Variants in TMEM108 observed in about 807,000 individuals in gnomAD.
The protein encoded by TMEM108 is cancer/testis antigen 124.
A neutral mutation model predicts 35.1 loss-of-function variants in TMEM108; 12 were observed. The ratio of observed to expected loss-of-function variants is 0.34; its 90% CI spans 0.22 to 0.55. The LOEUF (loss-of-function observed/expected upper bound fraction) is 0.55, where lower values mean the gene tolerates loss of function less well. Ranked by LOEUF, TMEM108 falls within the 20% of genes least tolerant of loss-of-function variation. The probability of loss-of-function intolerance (pLI) is 0.89; values close to 1 mark genes in which losing one functional copy is unlikely to be tolerated. For synonymous variants in TMEM108, 287 were observed against 308.6 expected (o/e 0.93, Z 0.73); for missense variants, 680 against 753.3 (o/e 0.90, Z 1.14).
chr3:133,048,931 A>G (rs1943371005), intron 2 of TMEM108, among the ~76,000 whole-genome samples: 1 of 152,232 alleles, frequency 6.6e-6, no homozygotes, highest in Non-Finnish European at 1.5e-5. Flanking sequence ...CCTCTGAACC[A>G]GCAGCATGAG....
At chr3:133,193,424 ACT>A (rs1480952255) in intron 2 of TMEM108, among the ~76,000 whole-genome samples, 1 of 152,072 alleles carries the variant, frequency 6.6e-6, no homozygotes, top group East Asian at 1.9e-4. Flanking sequence ...TTTTTAAGAA[ACT>A]CTACATTTTT....
intron 2 of TMEM108, among the ~76,000 whole-genome samples, chr3:133,160,356 A>G (rs1417479335): frequency 1.3e-5 from 2 of 152,212 alleles, no homozygotes; most frequent in Non-Finnish European, 2.9e-5. Flanking sequence ...CCCAGACCTC[A>G]ACATAGGCAC....
chr3:133,187,883 CAAAAAA>C (rs34894272), intron 2 of TMEM108, among the ~76,000 whole-genome samples: 13 of 127,354 alleles, frequency 1.0e-4, no homozygotes, highest in African/African-American at 1.4e-4. Flanking sequence ...ACGGTTGCTG[CAAAAAA>C]AAAAAAAAAA....
Position 133,364,949 on chromosome 3 carries a change from C to G in TMEM108, c.41-14803C>G, listed in dbSNP as rs762933495. 1.8e-4 allele frequency among the ~76,000 whole-genome samples: 28 copies of G among 152,204 alleles called. 1 individual carries two copies. Among genetic ancestry groups the G allele is most frequent in the Non-Finnish European group, 4.0e-4 (27 of 68,042 alleles). ...TCCTTACCCAACCCTACGGAGAACT[C>G]CAGAGCTGGGATGGCTCTTCATAGT... is the stretch of plus-strand genomic sequence containing the variant. On this transcript the variant is annotated intron_variant, in intron 3 of 5. Coordinates refer to ENST00000321871, the MANE Select transcript of TMEM108 (RefSeq NM_023943.4).
intron 2 of TMEM108, among the ~76,000 whole-genome samples, chr3:133,225,818 T>C (rs1011550765): frequency 6.6e-6 from 1 of 152,160 alleles, no homozygotes; most frequent in Admixed American, 6.5e-5. Flanking sequence ...CAGAAAAATA[T>C]AAAACTTAAT....
intron 2 of TMEM108, among the ~76,000 whole-genome samples, chr3:133,168,442 A>G (rs1383882879): frequency 6.6e-6 from 1 of 152,050 alleles, no homozygotes; most frequent in African/African-American, 2.4e-5. Flanking sequence ...GATTGAACAC[A>G]TCCTTTTCTT....
intron 2 of TMEM108, among the ~76,000 whole-genome samples, chr3:133,141,628 G>A (rs575302711): frequency 2.0e-5 from 3 of 152,278 alleles, no homozygotes; most frequent in African/African-American, 7.2e-5. Context: ...ACTGACCTGT[G>A]TGGTCTACCC....
chr3:133,185,822 C>T (rs1291992609), intron 2 of TMEM108, among the ~76,000 whole-genome samples: 1 of 142,292 alleles, frequency 7.0e-6, no homozygotes, highest in Non-Finnish European at 1.5e-5. Context: ...TGCTCTGTTG[C>T]CCAGGCATGA....
chr3:133,047,794 TA>T (rs1173849359), intron 2 of TMEM108, among the ~76,000 whole-genome samples: 1 of 152,206 alleles, frequency 6.6e-6, no homozygotes, highest in African/African-American at 2.4e-5. Context: ...TCCCTATCTG[TA>T]AAATATACAC....
intron 2 of TMEM108, among the ~76,000 whole-genome samples, chr3:133,123,315 T>A (rs1026937030): frequency 6.6e-6 from 1 of 152,248 alleles, no homozygotes; most frequent in African/African-American, 2.4e-5. Context: ...TATATATCTT[T>A]TTGCATTTTT....
chr3:133,381,161 T>A lies in TMEM108; in HGVS notation c.1450T>A (p.Ser484Thr). Reference sequence around the variant, plus strand: ...CATCAGCGTGCCCATCTCCTCCTGCTGTAAGTGCCGCCCTCTCCCACCCAT... The same window carrying A: ...CATCAGCGTGCCCATCTCCTCCTGCAGTAAGTGCCGCCCTCTCCCACCCAT... ...LAISVPISSCSVLLTVCCMKR... is the reference protein window; with the variant it reads ...LAISVPISSCTVLLTVCCMKR... Residue 484 changes from serine to threonine, a missense_variant and splice_region_variant, in exon 4 of 6, where the codon TCT becomes ACT. Transcript: ENST00000321871. The A allele has an allele frequency of 1.3e-6, 2 of 1,592,040 alleles. No individual in the cohort carries two copies. The highest frequency in any genetic ancestry group is 1.7e-6 in the Non-Finnish European group (2 of 1,165,874).
chr3:133,277,516 A>G (rs549805268), intron 3 of TMEM108, among the ~76,000 whole-genome samples: 2 of 152,336 alleles, frequency 1.3e-5, no homozygotes, highest in South Asian at 4.1e-4. Context: ...GGGAGAGGTG[A>G]GGATCCCTGA....
intron 3 of TMEM108, among the ~76,000 whole-genome samples, chr3:133,237,966 G>A (rs1946262188): frequency 6.6e-6 from 1 of 152,034 alleles, no homozygotes; most frequent in Non-Finnish European, 1.5e-5. Context: ...AGAGTATGAA[G>A]GGGACATGAG....
At chr3:133,099,236 G>T (rs557807622) in intron 2 of TMEM108, among the ~76,000 whole-genome samples, 1 of 152,182 alleles carries the variant, frequency 6.6e-6, no homozygotes, top group South Asian at 2.1e-4. Flanking sequence ...TGAGTTCTGC[G>T]TTGGCTCCTT....
intron 3 of TMEM108, among the ~76,000 whole-genome samples, chr3:133,318,556 G>C (rs2071225876): frequency 6.6e-6 from 1 of 152,102 alleles, no homozygotes; most frequent in African/African-American, 2.4e-5. Context: ...ATGACACCCA[G>C]CCATGTTCTC....
intron 2 of TMEM108, among the ~76,000 whole-genome samples, chr3:133,171,030 T>A (rs558695577): frequency 1.1e-4 from 16 of 152,298 alleles, no homozygotes; most frequent in African/African-American, 3.4e-4. Context: ...GAGTAGATAT[T>A]TTTTCATTGT....
chr3:133,246,322 G>A (rs545876120), intron 3 of TMEM108: 2 of 152,190 alleles, frequency 1.3e-5, no homozygotes, highest in African/African-American at 4.8e-5. Context: ...CTGGCATGTG[G>A]GGCTCATTGA....
At chr3:133,220,412 G>A (rs1397581468) in intron 2 of TMEM108, among the ~76,000 whole-genome samples, 2 of 151,946 alleles carry the variant, frequency 1.3e-5, no homozygotes, top group Non-Finnish European at 2.9e-5. Context: ...GACTAGCTAG[G>A]ACTACAGGTG....
chr3:133,300,718 G>GGAGTGA (rs1947209873), intron 3 of TMEM108, among the ~76,000 whole-genome samples: 1 of 152,032 alleles, frequency 6.6e-6, no homozygotes, highest in Non-Finnish European at 1.5e-5. Flanking sequence ...TGGTTGCCAG[G>GGAGTGA]TACCTAGCCC....
Sources: allele counts gnomAD v4.1 joint callset (sites outside exome capture counted in the v4.1 genomes callset), GRCh38; gene constraint gnomAD v4.1.1; transcripts MANE v1.5; gene names NCBI Gene and HGNC (gene_info 2026-07-23, HGNC 2026-07-21).